Variants in LNX2 observed in about 807,000 individuals in gnomAD.
LNX2 encodes ligand of Numb protein X 2.
In LNX2, 35 loss-of-function variants were observed where a neutral mutation model predicts 66.2. That is an observed-to-expected ratio of 0.53 (90% CI 0.40 to 0.70). The LOEUF (loss-of-function observed/expected upper bound fraction) is 0.70, where lower values mean the gene tolerates loss of function less well. Among genes scored for constraint, LNX2 ranks in the 30% least tolerant of loss-of-function variants. The pLI is 0.00. For synonymous variants in LNX2, 337 were observed against 315.6 expected (o/e 1.07, Z -0.72); for missense variants, 791 against 850.8 (o/e 0.93, Z 0.87).
chr13:27,547,022 C>T lies in LNX2; in HGVS notation c.*1313G>A, dbSNP rs1954947800. 6.6e-6 allele frequency: 1 copy of T among 152,236 alleles called. No homozygotes were observed. Among genetic ancestry groups the T allele is most frequent in the African/African-American group, 2.4e-5 (1 of 41,552 alleles). The allele number at this position is 152,236 out of a possible 1,614,324, so 9.4% of individuals were successfully genotyped here. On this transcript the variant is annotated 3_prime_UTR_variant, in exon 10 of 10. Transcript: ENST00000316334. ...CTTTTCTGTCTCCTACTTGAAACAA[C>T]TAATCTCATAAGAAATAATGGGAAA...
chr13:27,616,742 C>T (rs962496713), intron 1 of LNX2, among the ~76,000 whole-genome samples: 23 of 152,178 alleles, frequency 1.5e-4, no homozygotes, highest in Admixed American at 1.3e-3. Flanking sequence ...GTCATGAGCA[C>T]TTGCTTGTTA....
In LNX2 at chr13:27,546,939, A is replaced by G. The variant is rs1296887177; in HGVS notation, c.*1396T>C. 6.6e-6 allele frequency: 1 copy of G among 152,216 alleles called. No homozygotes were observed. The highest frequency in any genetic ancestry group is 1.5e-5 in the Non-Finnish European group (1 of 68,010). The allele number at this position is 152,216 out of a possible 1,614,324, so 9.4% of individuals were successfully genotyped here. On this transcript the variant is annotated 3_prime_UTR_variant, in exon 10 of 10. Transcript: ENST00000316334. ...CATTTCAAAAAATATGAAATAGTCT[A>G]GTGACTGAGAGCTGACTGAAAGATA...
intron 1 of LNX2, among the ~76,000 whole-genome samples, chr13:27,615,124 C>T (rs1379328221): frequency 6.6e-6 from 1 of 152,122 alleles, no homozygotes; most frequent in African/African-American, 2.4e-5. Context: ...TCTCCAAGAC[C>T]GCTCCCCTCT....
At chr13:27,604,171 G>A (rs1955689619) in intron 1 of LNX2, among the ~76,000 whole-genome samples, 1 of 152,196 alleles carries the variant, frequency 6.6e-6, no homozygotes, top group Non-Finnish European at 1.5e-5. Context: ...GCGTGAACCC[G>A]GGAGGTGGAG....
intron 1 of LNX2, among the ~76,000 whole-genome samples, chr13:27,617,123 A>G (rs542493514): frequency 2.0e-5 from 3 of 152,220 alleles, no homozygotes; most frequent in Non-Finnish European, 2.9e-5. Context: ...ACCAAACAAA[A>G]TAACTTATTA....
chr13:27,565,326 G>A (rs1439526232), intron 4 of LNX2, among the ~76,000 whole-genome samples: 2 of 152,110 alleles, frequency 1.3e-5, no homozygotes, highest in African/African-American at 4.8e-5. Context: ...ACAATACTGG[G>A]CTAGTAGCAA....
rs758514464 is a variant in LNX2, at chr13:27,569,142, A to C, written c.542T>G (p.Leu181Trp). 6.2e-7 allele frequency: 1 copy of C among 1,612,644 alleles called. No homozygotes were observed. Among genetic ancestry groups the C allele is most frequent in the Non-Finnish European group, 8.5e-7 (1 of 1,179,590 alleles). ...CTCCACAGGCACTGCGCCTGTCCCC[A>C]AACAGTCTGCTTCTGGAGATAAGGT... ...AGTLSPEADCLGTGAVPVERH... is the reference protein window; with the variant it reads ...AGTLSPEADCWGTGAVPVERH... Residue 181 changes from leucine (L) to tryptophan (W), a missense_variant, in exon 3 of 10, where the codon TTG becomes TGG. Physicochemically the swap from Leu to Trp is moderately conservative, Grantham distance 61 (BLOSUM62 -2). Transcript: ENST00000316334.
At chr13:27,558,931 A>C (rs1393722760) in intron 6 of LNX2, among the ~76,000 whole-genome samples, 4 of 152,136 alleles carry the variant, frequency 2.6e-5, no homozygotes, top group African/African-American at 9.7e-5. Context: ...TTATTCACTC[A>C]AATGTTACTT....
intron 1 of LNX2, among the ~76,000 whole-genome samples, chr13:27,610,982 G>A (rs972130059): frequency 6.6e-6 from 1 of 152,202 alleles, no homozygotes; most frequent in Non-Finnish European, 1.5e-5. Context: ...AGAGCATGTA[G>A]AGAAACTGGA....
In LNX2 at chr13:27,595,287, A is replaced by G. The variant is rs117318617; in HGVS notation, c.-100-13484T>C. Among the ~76,000 whole-genome samples the G allele has an allele frequency of 8.5e-3, 1,288 of 152,276 alleles. 6 individuals are homozygous for G. Among genetic ancestry groups the G allele is most frequent in the Non-Finnish European group, 0.014 (935 of 68,014 alleles). Reference sequence around the variant, plus strand: ...CACAAGCTCTCACTATGTCCCTTCCACTGCCACTTATCACAGTTATCATGC... The same window carrying G: ...CACAAGCTCTCACTATGTCCCTTCCGCTGCCACTTATCACAGTTATCATGC... On this transcript the variant is annotated intron_variant, in intron 1 of 9. Coordinates refer to ENST00000316334, the MANE Select transcript of LNX2 (RefSeq NM_153371.4).
At chr13:27,587,258 A>C (rs1369560221) in intron 1 of LNX2, among the ~76,000 whole-genome samples, 1 of 152,022 alleles carries the variant, frequency 6.6e-6, no homozygotes, top group Non-Finnish European at 1.5e-5. Context: ...GCTTCAGCTC[A>C]AATTCTGCCT....
chr13:27,603,598 T>C (rs569564268), intron 1 of LNX2, among the ~76,000 whole-genome samples: 5 of 152,250 alleles, frequency 3.3e-5, no homozygotes, highest in East Asian at 1.9e-4. Context: ...ATAGTAACAA[T>C]AGCCACTTAG....
chr13:27,618,950 G>A (rs537950570), intron 1 of LNX2, among the ~76,000 whole-genome samples: 1 of 152,358 alleles, frequency 6.6e-6, no homozygotes, highest in Non-Finnish European at 1.5e-5. Context: ...TTACTTCAGG[G>A]TAACTAGTGG....
At chr13:27,591,379 T>C (rs1955544794) in intron 1 of LNX2, among the ~76,000 whole-genome samples, 2 of 152,330 alleles carry the variant, frequency 1.3e-5, no homozygotes. Context: ...CTGTACTATA[T>C]GAAGCCCCTA....
intron 1 of LNX2, among the ~76,000 whole-genome samples, chr13:27,604,909 G>A (rs961187169): frequency 1.7e-4 from 25 of 150,064 alleles, no homozygotes; most frequent in Admixed American, 2.7e-4. Context: ...ATTTTAATGG[G>A]GGAAAAACAG....
intron 1 of LNX2, among the ~76,000 whole-genome samples, chr13:27,606,498 G>C (rs1355448338): frequency 6.6e-6 from 1 of 151,658 alleles, no homozygotes; most frequent in Non-Finnish European, 1.5e-5. Flanking sequence ...ATTAAGGTGG[G>C]ATCAGCAAAC....
chr13:27,612,070 C>T (rs955893463), intron 1 of LNX2, among the ~76,000 whole-genome samples: 3 of 152,146 alleles, frequency 2.0e-5, no homozygotes, highest in Non-Finnish European at 2.9e-5. Flanking sequence ...AGGTAAAGTT[C>T]GGAAAGGGAG....
At chr13:27,583,170 G>GTGTGTGTGTA (rs1955422771) in intron 1 of LNX2, among the ~76,000 whole-genome samples, 28 of 1,264 alleles carry the variant, frequency 0.022, 2 homozygotes, top group Middle Eastern at 0.5. Context: ...CAGAGCAGCA[G>GTGTGTGTGTA]TGTGTGTGTG....
chr13:27,601,187 T>C (rs1955654050), intron 1 of LNX2, among the ~76,000 whole-genome samples: 1 of 152,158 alleles, frequency 6.6e-6, no homozygotes, highest in Non-Finnish European at 1.5e-5. Flanking sequence ...ATTTTATAGA[T>C]GAGGAAAACG....
Sources: allele counts gnomAD v4.1 joint callset (sites outside exome capture counted in the v4.1 genomes callset), GRCh38; gene constraint gnomAD v4.1.1; transcripts MANE v1.5; gene names NCBI Gene and HGNC (gene_info 2026-07-23, HGNC 2026-07-21).